Variants in SORT1 observed in about 807,000 individuals in gnomAD.
SORT1 encodes sortilin 1, also known as sortilin.
Under a neutral mutation model 101.7 loss-of-function variants are expected in SORT1, and 39 were observed. The ratio of observed to expected loss-of-function variants is 0.38; its 90% CI spans 0.30 to 0.50. The LOEUF is 0.50. SORT1 is among the 20% of genes least tolerant of loss of function. The pLI is 0.90. For synonymous variants in SORT1, 396 were observed against 393.7 expected, an observed-to-expected ratio of 1.01 and a Z score of -0.07; for missense variants, 878 against 1,040.4, an observed-to-expected ratio of 0.84 and a Z score of 2.15.
At chr1:109,321,231 G>C (rs139857821) in intron 15 of SORT1, among the ~76,000 whole-genome samples, 1 of 152,126 alleles carries the variant, frequency 6.6e-6, no homozygotes, top group African/African-American at 2.4e-5. Context: ...TTTAGTAAGT[G>C]CTGTAATAGG....
Position 109,312,398 on chromosome 1 carries a change from A to G in SORT1, c.*1645T>C, listed in dbSNP as rs72647804. On this transcript the variant is annotated 3_prime_UTR_variant, in exon 20 of 20. Transcript: ENST00000256637. ...ATTCTACTGCAGTTTTAACATCTCT[A>G]AAAGTCTCCATCCACTCTCTCCCCC... The G allele has an allele frequency of 0.033, 5,040 of 152,620 alleles. 121 individuals carry two copies. Among genetic ancestry groups the G allele is most frequent in the Non-Finnish European group, 0.046 (3,161 of 68,002 alleles). The allele number at this position is 152,620 out of a possible 1,614,324, so 9.5% of individuals were successfully genotyped here. A position where few individuals can be genotyped will look rare whatever the true frequency, so the allele number is the denominator to read the frequency against.
At chr1:109,380,922 G>A (rs1478630470) in intron 1 of SORT1, among the ~76,000 whole-genome samples, 1 of 151,398 alleles carries the variant, frequency 6.6e-6, no homozygotes, top group East Asian at 1.9e-4. Context: ...AGCCCAGGAA[G>A]TAGAGGTTGT....
At chr1:109,321,839 T>C (rs1406827526) in intron 15 of SORT1, among the ~76,000 whole-genome samples, 2 of 152,198 alleles carry the variant, frequency 1.3e-5, no homozygotes, top group Admixed American at 1.3e-4. Flanking sequence ...AATTACCTCA[T>C]TTAAGCTATC....
intron 19 of SORT1, 96 bp downstream of exon 19, chr1:109,314,165 G>A (rs1330300549): frequency 6.3e-7 from 1 of 1,580,682 alleles, no homozygotes; most frequent in Non-Finnish European, 8.6e-7. Context: ...AGTCGCCTTG[G>A]CCCTGGCATA....
chr1:109,355,645 G>GCCCC, intron 3 of SORT1, among the ~76,000 whole-genome samples, 176 bp from the exon 4 acceptor site: 1 of 90,406 alleles, frequency 1.1e-5, no homozygotes, highest in South Asian at 4.7e-4. Flanking sequence ...CATTCCACCC[G>GCCCC]CCCCCCCCCC....
intron 9 of SORT1, 23 bp from the exon 10 acceptor site, chr1:109,340,902 A>G: frequency 2.5e-6 from 4 of 1,594,540 alleles, no homozygotes; most frequent in Non-Finnish European, 3.4e-6. Context: ...AACAAACAAA[A>G]ATACTAAGTC....
chr1:109,378,698 TGATATATATATATATATATA>T (rs1163894758), intron 1 of SORT1, among the ~76,000 whole-genome samples: 10 of 62,128 alleles, frequency 1.6e-4, no homozygotes, highest in African/African-American at 5.3e-4. Context: ...GTAGAGTGAA[TGATATATATATATATATATA>T]TATATATATA....
At chr1:109,336,737 A>T (rs1648857433) in intron 10 of SORT1, among the ~76,000 whole-genome samples, 1 of 149,218 alleles carries the variant, frequency 6.7e-6, no homozygotes, top group East Asian at 2.0e-4. Flanking sequence ...TGAACCCGGG[A>T]GGTGGGGGCT....
At position 109,340,854 on chromosome 1, in the gene SORT1, G is replaced by C. The variant is rs1217960923; in HGVS notation, c.1134C>G (p.Thr378=). 6.2e-7 allele frequency: 1 copy of C among 1,612,986 alleles called. No homozygotes were observed. Among genetic ancestry groups the C allele is most frequent in the African/African-American group, 1.3e-5 (1 of 74,848 alleles). Residue 378 remains threonine (T), a synonymous_variant, in exon 10 of 20, where the codon ACC becomes ACG. Transcript: ENST00000256637. ...PGDTGFGTIF[T]SDDRGIVYSK... ...AATAGACAATGCCTCGATCATCTGA[G>C]GTAAAGATTGTGCCAAACCCAGTGT...
chr1:109,349,487 T>G (rs1649822593), intron 6 of SORT1, among the ~76,000 whole-genome samples: 1 of 151,918 alleles, frequency 6.6e-6, no homozygotes, highest in South Asian at 2.1e-4. Context: ...TTTCTGGGGC[T>G]AGGCATGGTA....
At chr1:109,386,811 T>C (rs1219221946) in intron 1 of SORT1, among the ~76,000 whole-genome samples, 1 of 151,590 alleles carries the variant, frequency 6.6e-6, no homozygotes, top group Non-Finnish European at 1.5e-5. Flanking sequence ...CACATTTCAC[T>C]AATATTTCTT....
intron 10 of SORT1, among the ~76,000 whole-genome samples, chr1:109,337,708 A>AG (rs1296240279): frequency 6.7e-6 from 1 of 149,860 alleles, no homozygotes; most frequent in Non-Finnish European, 1.5e-5. Flanking sequence ...GCTCACTGCA[A>AG]CCTCTGCCTC....
Position 109,340,732 on chromosome 1 carries a change from A to G in SORT1, c.1256T>C (p.Leu419Pro). Reference sequence around the variant, plus strand: ...GCGATGCCGAGACTCACCTTCGGAGAGCACGCTTGTTATGTAGACGCCGCG... The same window carrying G: ...GCGATGCCGAGACTCACCTTCGGAGGGCACGCTTGTTATGTAGACGCCGCG... ...SLRGVYITSVLSEDNSIQTMI... is the reference protein window; with the variant it reads ...SLRGVYITSVPSEDNSIQTMI... Residue 419 changes from leucine to proline, a missense_variant, in exon 10 of 20, where the codon CTC becomes CCC. Leu to Pro is a moderately conservative substitution (Grantham distance 98, BLOSUM62 -3). Around this residue, in one of 2 missense-constraint regions of SORT1, gnomAD observed 684 missense variants for 894.5 expected, o/e 0.76. Coordinates refer to ENST00000256637, the MANE Select transcript of SORT1 (RefSeq NM_002959.7). 1.2e-6 allele frequency: 2 copies of G among 1,614,076 alleles called. No individual in the cohort carries two copies. The highest frequency in any genetic ancestry group is 1.7e-6 in the Non-Finnish European group (2 of 1,180,006).
At chr1:109,375,101 C>G (rs964399097) in intron 1 of SORT1, among the ~76,000 whole-genome samples, 4 of 152,104 alleles carry the variant, frequency 2.6e-5, no homozygotes, top group African/African-American at 9.7e-5. Context: ...AAAAAATGAA[C>G]AGAGCTATCA....
intron 1 of SORT1, among the ~76,000 whole-genome samples, chr1:109,372,719 G>C (rs1473964809): frequency 6.6e-6 from 1 of 151,994 alleles, no homozygotes; most frequent in Non-Finnish European, 1.5e-5. Context: ...GAGTTCGACT[G>C]AAACCCCGTC....
At chr1:109,364,695 G>C (rs150096914) in intron 3 of SORT1, among the ~76,000 whole-genome samples, 1 of 152,184 alleles carries the variant, frequency 6.6e-6, no homozygotes, top group South Asian at 2.1e-4. Context: ...TGTAGAAGAC[G>C]TGGAGGCATC....
At chr1:109,385,232 A>G (rs775782786) in intron 1 of SORT1, among the ~76,000 whole-genome samples, 1 of 152,188 alleles carries the variant, frequency 6.6e-6, no homozygotes, top group Non-Finnish European at 1.5e-5. Flanking sequence ...ATACTGTTAC[A>G]TTGACGATTA....
chr1:109,341,231 C>T (rs114957060), intron 9 of SORT1, among the ~76,000 whole-genome samples: 11 of 152,298 alleles, frequency 7.2e-5, no homozygotes, highest in Non-Finnish European at 1.6e-4. Flanking sequence ...GCTTCTCAAA[C>T]TATCTGTAGT....
intron 1 of SORT1, among the ~76,000 whole-genome samples, chr1:109,390,752 AGT>A (rs749381586): frequency 5.1e-4 from 73 of 144,440 alleles, no homozygotes; most frequent in Non-Finnish European, 6.9e-4. Flanking sequence ...AATATTAGAA[AGT>A]GTGTGTGTGT....
Sources: allele counts gnomAD v4.1 joint callset (sites outside exome capture counted in the v4.1 genomes callset), GRCh38; gene constraint gnomAD v4.1.1; regional missense constraint gnomAD v4.1.1; transcripts MANE v1.5; gene names NCBI Gene and HGNC (gene_info 2026-07-23, HGNC 2026-07-21).